SYTL2: variants seen among roughly 807,000 people sequenced by gnomAD.
SYTL2 encodes the protein synaptotagmin like 2.
SYTL2 carries 165 observed loss-of-function variants against 198.7 expected under a neutral mutation model. The ratio of observed to expected loss-of-function variants is 0.83; its 90% CI spans 0.73 to 0.94. The LOEUF is 0.94. Among genes scored for constraint, SYTL2 ranks in the 40% least tolerant of loss-of-function variants. The pLI is 0.00. For synonymous variants in SYTL2, 966 were observed against 917.7 expected, an observed-to-expected ratio of 1.05 and a Z score of -0.95; for missense variants, 2,835 against 2,582.8, an observed-to-expected ratio of 1.10 and a Z score of -2.12.
chr11:85,777,745 C>T (rs1457917900), intron 1 of SYTL2, among the ~76,000 whole-genome samples: 2 of 140,070 alleles, frequency 1.4e-5, no homozygotes, highest in Non-Finnish European at 3.1e-5. Flanking sequence ...GCTTCAGACA[C>T]AAGAAGAGTA....
chr11:85,811,475 T>C (rs2093033023), upstream of SYTL2, among the ~76,000 whole-genome samples: 1 of 152,150 alleles, frequency 6.6e-6, no homozygotes, highest in Non-Finnish European at 1.5e-5. Context: ...TAGGGGGCCT[T>C]GGAGCCCGAG....
the SYTL2 span, among the ~76,000 whole-genome samples, chr11:85,821,573 A>T: frequency 6.6e-6 from 1 of 152,232 alleles, no homozygotes; most frequent in African/African-American, 2.4e-5. Flanking sequence ...AAAGGCCTGG[A>T]AAGTCCAGCA....
intron 4 of SYTL2, among the ~76,000 whole-genome samples, chr11:85,742,475 A>AT (rs2090869115): frequency 6.6e-6 from 1 of 152,048 alleles, no homozygotes; most frequent in South Asian, 2.1e-4. Flanking sequence ...TTCAAGAGTT[A>AT]TTTTCTGTTG....
intron 1 of SYTL2, among the ~76,000 whole-genome samples, chr11:85,775,182 T>C (rs1393473154): frequency 6.6e-6 from 1 of 152,156 alleles, no homozygotes. Flanking sequence ...GAGAGAATAA[T>C]TAGGAAAATA....
At chr11:85,808,390 G>A (rs1417348732) in intron 1 of SYTL2, among the ~76,000 whole-genome samples, 2 of 152,026 alleles carry the variant, frequency 1.3e-5, no homozygotes, top group African/African-American at 4.8e-5. Flanking sequence ...TGTTAATCTG[G>A]ATCTTATATT....
At chr11:85,848,083 C>A in the SYTL2 span, among the ~76,000 whole-genome samples, 48 of 151,964 alleles carry the variant, frequency 3.2e-4, no homozygotes, top group African/African-American at 1.1e-3. Context: ...AAATAAAAAA[C>A]TAAAAAATCA....
In SYTL2 at chr11:85,727,874, G is replaced by T; in HGVS notation, c.1484C>A (p.Ala495Asp). The change falls in exon 8 of 20, where the codon GCT becomes GAT. Residue 495 changes from alanine to aspartate, a missense_variant. Physicochemically the swap from Ala to Asp is moderately radical, Grantham distance 126. Transcript: ENST00000359152. ...RQQGKPPPLP[A>D]LKAKTSSRSG... is the part of the protein sequence containing the mutation. Reference sequence around the variant, plus strand: ...ACGTGAAGATGTCTTAGCTTTTAGAGCCGGGAGAGGAGGGGGCTTACCTTG... The same window carrying T: ...ACGTGAAGATGTCTTAGCTTTTAGATCCGGGAGAGGAGGGGGCTTACCTTG... The T allele has an allele frequency of 6.2e-7, 1 of 1,613,300 alleles. No homozygotes were observed.
intron 1 of SYTL2, among the ~76,000 whole-genome samples, chr11:85,786,861 AC>A (rs1431795468): frequency 6.6e-6 from 1 of 152,262 alleles, no homozygotes; most frequent in East Asian, 1.9e-4. Flanking sequence ...ATTCTTACTT[AC>A]CATGAGAGCC....
At chr11:85,743,474 C>A (rs1230989972) in intron 4 of SYTL2, among the ~76,000 whole-genome samples, 2 of 152,104 alleles carry the variant, frequency 1.3e-5, no homozygotes, top group African/African-American at 4.8e-5. Flanking sequence ...AATTTTCATG[C>A]CACCGGAAAA....
chr11:85,746,589 C>G (rs1028309060), intron 3 of SYTL2, among the ~76,000 whole-genome samples: 5 of 152,200 alleles, frequency 3.3e-5, no homozygotes, highest in African/African-American at 7.2e-5. Flanking sequence ...AGAATACTTT[C>G]ATCAATATTA....
chr11:85,705,262 C>T (rs1047678152), intron 15 of SYTL2: 6 of 388,514 alleles, frequency 1.5e-5, no homozygotes, highest in African/African-American at 1.2e-4. Flanking sequence ...AACCAAGGCT[C>T]AGATATCATA....
chr11:85,797,629 AAAAAAAAAAAAGAAAAG>A (rs1296247458), intron 1 of SYTL2, among the ~76,000 whole-genome samples: 3 of 151,254 alleles, frequency 2.0e-5, no homozygotes, highest in Admixed American at 6.6e-5. Context: ...TCCTTCTCAA[AAAAAAAAAAAAGAAAAG>A]AAAAAGAAAA....
At chr11:85,772,948 A>G (rs1269673332) in intron 1 of SYTL2, among the ~76,000 whole-genome samples, 2 of 152,210 alleles carry the variant, frequency 1.3e-5, no homozygotes, top group Non-Finnish European at 2.9e-5. Flanking sequence ...CATTAGCCCA[A>G]ACCATGCAGT....
At chr11:85,843,805 A>G in the SYTL2 span, among the ~76,000 whole-genome samples, 1 of 152,218 alleles carries the variant, frequency 6.6e-6, no homozygotes. Context: ...AGCCCTGAGA[A>G]GTATGCAATA....
the SYTL2 span, among the ~76,000 whole-genome samples, chr11:85,839,755 A>G: frequency 1.3e-5 from 2 of 152,210 alleles, no homozygotes; most frequent in Non-Finnish European, 2.9e-5. Context: ...AAGAGTGTAC[A>G]TATCTCGTCA....
the SYTL2 span, among the ~76,000 whole-genome samples, chr11:85,846,351 G>A: frequency 6.6e-6 from 1 of 152,228 alleles, no homozygotes; most frequent in Non-Finnish European, 1.5e-5. Context: ...GATTCAAGGA[G>A]AGGGAACAGA....
chr11:85,728,273 T>A (rs191688075), intron 7 of SYTL2, among the ~76,000 whole-genome samples: 7 of 152,266 alleles, frequency 4.6e-5, no homozygotes, highest in Non-Finnish European at 1.0e-4. Flanking sequence ...TGCATTCTGT[T>A]TCATGTTACA....
intron 1 of SYTL2, among the ~76,000 whole-genome samples, chr11:85,792,055 T>G (rs1337244518): frequency 1.3e-5 from 2 of 152,026 alleles, no homozygotes; most frequent in South Asian, 4.1e-4. Flanking sequence ...CATACAAAAT[T>G]TGGGGATGTA....
chr11:85,714,202 C>G (rs1359608020), intron 12 of SYTL2, among the ~76,000 whole-genome samples: 2 of 152,238 alleles, frequency 1.3e-5, no homozygotes, highest in African/African-American at 2.4e-5. Context: ...TTTGACTTCA[C>G]TAACCAAAAG....
Sources: gnomAD v4.1 joint callset for allele counts (sites outside exome capture counted in the v4.1 genomes callset) on GRCh38, gnomAD v4.1.1 for gene constraint, MANE v1.5 for transcripts, NCBI Gene and HGNC (gene_info 2026-07-23, HGNC 2026-07-21) for gene names.